FSTL4: variants seen among roughly 807,000 people sequenced by gnomAD.
The protein encoded by FSTL4 is follistatin like 4, also known as follistatin-related protein 4.
Under a neutral mutation model 78.2 loss-of-function variants are expected in FSTL4, and 28 were observed. That is an observed-to-expected ratio of 0.36 (90% CI 0.27 to 0.49). The LOEUF (loss-of-function observed/expected upper bound fraction) is 0.49. Ranked by LOEUF, FSTL4 falls within the 20% of genes least tolerant of loss-of-function variation. The pLI, the probability that FSTL4 is intolerant of heterozygous loss-of-function variation, is 0.98. For synonymous variants in FSTL4, 422 were observed against 440.5 expected (o/e 0.96, Z 0.53); for missense variants, 922 against 1,084.9 (o/e 0.85, Z 2.11).
At chr5:133,325,898 T>C (rs909422714) in intron 4 of FSTL4, among the ~76,000 whole-genome samples, 6 of 152,184 alleles carry the variant, frequency 3.9e-5, no homozygotes, top group Admixed American at 6.5e-5. Flanking sequence ...CCCATTAGCC[T>C]GGTAAGTCAT....
At chr5:133,340,181 A>T (rs1367527160) in intron 4 of FSTL4, among the ~76,000 whole-genome samples, 1 of 152,180 alleles carries the variant, frequency 6.6e-6, no homozygotes, top group Non-Finnish European at 1.5e-5. Context: ...TGGGGCTGAT[A>T]ACCTCTGTCC....
rs1751286088 is a variant in FSTL4 at position 133,225,159 on chromosome 5, T to C, written c.1303A>G (p.Arg435Gly). 1.2e-6 allele frequency: 2 copies of C among 1,614,120 alleles called. No individual in the cohort carries two copies. Among genetic ancestry groups the C allele is most frequent in the Non-Finnish European group, 1.7e-6 (2 of 1,180,048 alleles). ...ACGCGTGTCGACTTACGGGTCTTTC[T>C]AGCTGAGTCTTCAATGAAGAGCGAG... Reference protein sequence around the residue: ...ISSLFIEDSARKTLANILWRE... With the variant: ...ISSLFIEDSAGKTLANILWRE... Residue 435 changes from arginine to glycine, a missense_variant, in exon 10 of 16, where the codon AGA (arginine) becomes GGA (glycine). Coordinates refer to ENST00000265342, the MANE Select transcript of FSTL4 (RefSeq NM_015082.2). This position sits in a 1 kb window ranked among gnomAD's most constrained non-coding sequence, Gnocchi z 4.6.
chr5:133,815,888 G>C, the FSTL4 span, among the ~76,000 whole-genome samples: 1 of 152,156 alleles, frequency 6.6e-6, no homozygotes, highest in African/African-American at 2.4e-5. Context: ...GATTCCCGTA[G>C]GGTTGACCAG....
At chr5:133,714,126 A>G in the FSTL4 span, among the ~76,000 whole-genome samples, 4 of 152,184 alleles carry the variant, frequency 2.6e-5, no homozygotes, top group Non-Finnish European at 4.4e-5. Context: ...GAATCACACA[A>G]TAATGATCTG....
At chr5:133,398,652 C>T (rs977367422) in intron 4 of FSTL4, among the ~76,000 whole-genome samples, 1 of 152,246 alleles carries the variant, frequency 6.6e-6, no homozygotes, top group Admixed American at 6.5e-5. Context: ...CTAAGTGGTG[C>T]TTGTGCAGCC....
chr5:133,568,884 AC>A (rs1760088410), intron 2 of FSTL4, among the ~76,000 whole-genome samples: 1 of 152,350 alleles, frequency 6.6e-6, no homozygotes, highest in African/African-American at 2.4e-5. Flanking sequence ...GGGAAAGCTG[AC>A]ATCTATATAA....
intron 13 of FSTL4, among the ~76,000 whole-genome samples, chr5:133,211,499 ATATTCTAG>A (rs752454887): frequency 3.2e-4 from 49 of 152,122 alleles, no homozygotes; most frequent in Non-Finnish European, 6.0e-4. Flanking sequence ...TCACCCACTC[ATATTCTAG>A]TATTCTAGTC....
intron 3 of FSTL4, among the ~76,000 whole-genome samples, chr5:133,458,592 C>T (rs966726941): frequency 2.0e-5 from 3 of 152,242 alleles, no homozygotes; most frequent in African/African-American, 7.2e-5. Context: ...GAATCCCCGT[C>T]CTTCTGCATC....
At chr5:133,576,258 G>T (rs149361085) in intron 2 of FSTL4, among the ~76,000 whole-genome samples, 3,508 of 152,270 alleles carry the variant, frequency 0.023, 56 homozygotes, top group Non-Finnish European at 0.034. Context: ...TTGGGCACAG[G>T]GGGTGAGGCT....
intron 4 of FSTL4, among the ~76,000 whole-genome samples, chr5:133,325,200 C>G (rs577426954): frequency 6.6e-6 from 1 of 152,196 alleles, no homozygotes; most frequent in Non-Finnish European, 1.5e-5. Flanking sequence ...GGTAAGGAGG[C>G]CTGTGGATGA....
chr5:133,275,247 G>A (rs1752854706), intron 6 of FSTL4, among the ~76,000 whole-genome samples: 1 of 150,258 alleles, frequency 6.7e-6, no homozygotes, highest in Admixed American at 6.7e-5. Flanking sequence ...CTCGGTGACG[G>A]AGGGAAACTC....
intron 4 of FSTL4, among the ~76,000 whole-genome samples, chr5:133,333,597 A>T (rs912648546): frequency 6.6e-6 from 1 of 152,200 alleles, no homozygotes; most frequent in African/African-American, 2.4e-5. Context: ...TGGGCTGGTC[A>T]TCTATCTCAT....
chr5:133,705,220 C>T, the FSTL4 span, among the ~76,000 whole-genome samples: 12,037 of 152,026 alleles, frequency 0.079, 515 homozygotes, highest in Middle Eastern at 0.16. Context: ...CCATCACGCC[C>T]GGCTAATTTT....
chr5:133,394,397 G>A (rs1325881651), intron 4 of FSTL4, among the ~76,000 whole-genome samples: 14 of 152,228 alleles, frequency 9.2e-5, no homozygotes, highest in Non-Finnish European at 1.2e-4. Context: ...GACGCTCGTG[G>A]GCCAGCCTGA....
chr5:133,774,823 T>C, the FSTL4 span, among the ~76,000 whole-genome samples: 8,155 of 152,282 alleles, frequency 0.054, 265 homozygotes, highest in African/African-American at 0.064. Flanking sequence ...AGGCTAATTG[T>C]ACCTTTTGAG....
At chr5:133,300,652 G>C (rs986825269) in intron 6 of FSTL4, among the ~76,000 whole-genome samples, 1 of 152,196 alleles carries the variant, frequency 6.6e-6, no homozygotes, top group African/African-American at 2.4e-5. Flanking sequence ...CTGTTTCCAA[G>C]CCATCGTTTC....
chr5:133,408,513 C>T (rs920502414), intron 3 of FSTL4, among the ~76,000 whole-genome samples: 18 of 143,678 alleles, frequency 1.3e-4, no homozygotes, highest in East Asian at 2.3e-4. Context: ...CCAGAGGCCA[C>T]GCTGCTGTGG....
At chr5:133,486,478 G>A (rs1758139376) in intron 3 of FSTL4, among the ~76,000 whole-genome samples, 1 of 152,116 alleles carries the variant, frequency 6.6e-6, no homozygotes, top group Admixed American at 6.5e-5. Context: ...TCCCTCTCCT[G>A]TTCTGTCCTT....
At chr5:133,507,469 C>T (rs1487246495) in intron 3 of FSTL4, among the ~76,000 whole-genome samples, 1 of 151,930 alleles carries the variant, frequency 6.6e-6, no homozygotes, top group Non-Finnish European at 1.5e-5. Flanking sequence ...ACAGTCGGCC[C>T]TCTGGATCTG....
Sources: gnomAD v4.1 joint callset for allele counts (sites outside exome capture counted in the v4.1 genomes callset) on GRCh38, gnomAD v4.1.1 for gene constraint, Gnocchi (gnomAD v3.1) non-coding constraint, MANE v1.5 for transcripts, NCBI Gene and HGNC (gene_info 2026-07-23, HGNC 2026-07-21) for gene names.